Variants in DAB1 observed in about 807,000 individuals in gnomAD.
The protein encoded by DAB1 is DAB adaptor protein 1.
Under a neutral mutation model 64.6 loss-of-function variants are expected in DAB1, and 15 were observed. The ratio of observed to expected loss-of-function variants is 0.23; its 90% CI spans 0.16 to 0.36. The LOEUF is 0.36. DAB1 is among the 10% of genes least tolerant of loss of function. The pLI is 1.00. For synonymous variants in DAB1, 235 were observed against 251.9 expected, an observed-to-expected ratio of 0.93 and a Z score of 0.64; for missense variants, 596 against 706.7, an observed-to-expected ratio of 0.84 and a Z score of 1.78.
rs338235 is a variant in DAB1 at position 58,472,735 on chromosome 1, G to A, written n.257+33325C>T. 7.4e-3 allele frequency among the ~76,000 whole-genome samples: 1,124 copies of A among 152,318 alleles called. 17 individuals carry two copies. Among genetic ancestry groups the A allele is most frequent in the African/African-American group, 0.026 (1,076 of 41,566 alleles). On this transcript the variant is annotated intron_variant and non_coding_transcript_variant, in intron 3 of 20. Coordinates refer to the DAB1 transcript ENST00000485760. ...TATCTTGAGTAGAAAACAAAAGACCGATGAAAACCCCTTCTTACACTTGTC... is the reference window on the plus strand; with the variant it reads ...TATCTTGAGTAGAAAACAAAAGACCAATGAAAACCCCTTCTTACACTTGTC...
intron 2 of DAB1, among the ~76,000 whole-genome samples, chr1:57,146,696 C>G (rs1659171384): frequency 6.6e-6 from 1 of 152,198 alleles, no homozygotes; most frequent in Non-Finnish European, 1.5e-5. Context: ...AGCATCTCCT[C>G]TGTACCGGTG....
chr1:58,453,502 C>A (rs931735802), intron 3 of DAB1, among the ~76,000 whole-genome samples: 2 of 152,190 alleles, frequency 1.3e-5, no homozygotes, highest in Non-Finnish European at 1.5e-5. Context: ...GTAGCAATCT[C>A]AACTAATTAC....
At chr1:57,004,921 G>A (rs1646010961) in intron 14 of DAB1, among the ~76,000 whole-genome samples, 2 of 152,142 alleles carry the variant, frequency 1.3e-5, no homozygotes, top group Non-Finnish European at 2.9e-5. Flanking sequence ...ACTGTGACAA[G>A]TTACAAGTGA....
chr1:57,039,900 A>C (rs1212564872), intron 9 of DAB1, among the ~76,000 whole-genome samples: 1 of 152,166 alleles, frequency 6.6e-6, no homozygotes, highest in African/African-American at 2.4e-5. Context: ...TGTTAAGGGG[A>C]GATGGTGGTA....
chr1:57,529,131 C>T (rs1414421521), intron 7 of DAB1, among the ~76,000 whole-genome samples: 3 of 70,856 alleles, frequency 4.2e-5, no homozygotes, highest in South Asian at 5.9e-4. Context: ...ACATTATTCA[C>T]AAAGTAGCAC....
At chr1:57,094,827 AG>A (rs752896536) in intron 4 of DAB1, among the ~76,000 whole-genome samples, 2 of 152,124 alleles carry the variant, frequency 1.3e-5, no homozygotes, top group Non-Finnish European at 2.9e-5. Flanking sequence ...GTAGGAAGTC[AG>A]GAGGTAGGGT....
At chr1:57,297,511 T>C (rs1673298076) in intron 1 of DAB1, among the ~76,000 whole-genome samples, 1 of 151,210 alleles carries the variant, frequency 6.6e-6, no homozygotes, top group African/African-American at 2.5e-5. Context: ...TGTGTATGCA[T>C]ATATGTGTGA....
At position 58,234,187 on chromosome 1, in the gene DAB1, T is replaced by G. The variant is rs575571312; in HGVS notation, n.310-83599A>C. Among the ~76,000 whole-genome samples, 4 of 152,360 alleles carry G rather than the reference T, an allele frequency of 2.6e-5. No individual in the cohort carries two copies. In the East Asian group the frequency reaches 7.7e-4, roughly 29 times the overall value. On this transcript the variant is annotated intron_variant and non_coding_transcript_variant, in intron 4 of 20. Coordinates refer to the DAB1 transcript ENST00000485760. The stretch of plus-strand genomic sequence containing the variant: ...ACACGTTCTTTTCCTAACTCATGCT[T>G]GTCTGCTTCCGTGACACTGATCCAA...
At chr1:57,328,933 T>A (rs1676412267) in intron 1 of DAB1, among the ~76,000 whole-genome samples, 1 of 152,236 alleles carries the variant, frequency 6.6e-6, no homozygotes, top group Non-Finnish European at 1.5e-5. Context: ...TTCGTAGTAG[T>A]ATTAATCTAC....
chr1:58,375,577 G>T (rs1019811083), intron 3 of DAB1, among the ~76,000 whole-genome samples: 10 of 149,564 alleles, frequency 6.7e-5, no homozygotes, highest in African/African-American at 2.0e-4. Flanking sequence ...GCTGGATTCA[G>T]TTTGCCAGTA....
rs543135390 is a variant in DAB1, at chr1:57,725,762, T to G, written n.552-76097A>C. Among the ~76,000 whole-genome samples the G allele has an allele frequency of 6.6e-5, 10 of 152,226 alleles. No homozygotes were observed. The East Asian group carries it at 1.9e-3, about 29-fold the overall frequency. On this transcript the variant is annotated intron_variant and non_coding_transcript_variant, in intron 6 of 20. Coordinates refer to the DAB1 transcript ENST00000485760. The stretch of plus-strand genomic sequence containing the variant: ...ATTTAACTGTTCTTTTCTTTTCTTT[T>G]TTTTTTTGAGACAGAGTCTCACTCT...
intron 6 of DAB1, among the ~76,000 whole-genome samples, chr1:57,787,190 A>T (rs1472951140): frequency 6.6e-6 from 1 of 152,204 alleles, no homozygotes; most frequent in Non-Finnish European, 1.5e-5. Flanking sequence ...AAAAATGTAA[A>T]TATCTAATAT....
chr1:58,127,488 C>T lies in DAB1; in HGVS notation n.387+23023G>A, dbSNP rs1355200545. Among the ~76,000 whole-genome samples the T allele has an allele frequency of 3.3e-5, 5 of 151,394 alleles. No homozygotes were observed. The East Asian group carries it at 9.7e-4, about 29-fold the overall frequency. ...ATTAGATCCCATTTGTCAATTTTGG[C>T]TTTTGTTGCCATTGCTTTTGGTGTT... On this transcript the variant is annotated intron_variant and non_coding_transcript_variant, in intron 5 of 20. Coordinates refer to the DAB1 transcript ENST00000485760.
rs1450758797 is a variant in DAB1, at chr1:57,125,386, T to C, written c.306+11157A>G. Among the ~76,000 whole-genome samples, 15 of 152,198 alleles carry C rather than the reference T, an allele frequency of 9.9e-5. 1 individual carries two copies. On this transcript the variant is annotated intron_variant, in intron 4 of 14. Coordinates refer to ENST00000371236, the MANE Select transcript of DAB1 (RefSeq NM_001365792.1). ...TTACACTGTAATATTAGTGTAGTGC[T>C]CCATACATAGTACCTACTTTCCTTT...
chr1:57,086,107 C>G (rs1653049659), intron 4 of DAB1, among the ~76,000 whole-genome samples: 3 of 152,060 alleles, frequency 2.0e-5, no homozygotes, highest in Admixed American at 6.5e-5. Context: ...TCAGGGGATG[C>G]AGAATTTTGA....
rs140884167 is a variant in DAB1, at chr1:58,318,300, T to C, written n.309+25052A>G. 1.2e-3 allele frequency among the ~76,000 whole-genome samples: 184 copies of C among 152,324 alleles called. 5 individuals carry two copies. In the East Asian group the frequency reaches 0.031, roughly 26 times the overall value. ...ACATGGTTCTTTGAGGCATCACTTG[T>C]ATGTCTTTGCTGAGGCTGCATCCTG... On this transcript the variant is annotated intron_variant and non_coding_transcript_variant, in intron 4 of 20. Transcript: ENST00000485760.
intron 6 of DAB1, among the ~76,000 whole-genome samples, chr1:57,819,169 A>G (rs1356240272): frequency 1.3e-5 from 2 of 152,240 alleles, no homozygotes; most frequent in African/African-American, 2.4e-5. Flanking sequence ...GGGCTTCAAC[A>G]TGACAGCAAC....
intron 3 of DAB1, among the ~76,000 whole-genome samples, chr1:58,427,116 GC>G (rs1644828858): frequency 6.6e-6 from 1 of 152,154 alleles, no homozygotes; most frequent in South Asian, 2.1e-4. Flanking sequence ...GGAGTAGAGT[GC>G]AGTGAGGAAG....
intron 7 of DAB1, among the ~76,000 whole-genome samples, chr1:57,585,432 T>A (rs1015722126): frequency 6.6e-6 from 1 of 152,206 alleles, no homozygotes; most frequent in Non-Finnish European, 1.5e-5. Flanking sequence ...TATATGCATG[T>A]AGATTTTTAT....
Sources: allele counts gnomAD v4.1 joint callset (sites outside exome capture counted in the v4.1 genomes callset), GRCh38; gene constraint gnomAD v4.1.1; transcripts MANE v1.5; gene names NCBI Gene and HGNC (gene_info 2026-07-23, HGNC 2026-07-21).